RHOD: variants seen among roughly 807,000 people sequenced by gnomAD.
RHOD encodes the protein rho-related GTP-binding protein RhoD.
A neutral mutation model predicts 16.7 loss-of-function variants in RHOD; 11 were observed. That is an observed-to-expected ratio of 0.66 (90% confidence interval 0.41 to 1.09). RHOD has a LOEUF of 1.09. RHOD is among the 50% of genes least tolerant of loss of function. The pLI is 0.00. For missense variants in RHOD, 271 were observed against 291.7 expected, an observed-to-expected ratio of 0.93 and a Z score of 0.52; for synonymous variants, 124 against 126.3, an observed-to-expected ratio of 0.98 and a Z score of 0.12.
At chr11:67,062,740 G>A (rs559296984) in intron 1 of RHOD, among the ~76,000 whole-genome samples, 23 of 152,268 alleles carry the variant, frequency 1.5e-4, no homozygotes, top group African/African-American at 4.8e-4. Flanking sequence ...CCTGAGTCAC[G>A]GGCAGGTGTG....
At chr11:67,069,767 C>T (rs573551078) in intron 3 of RHOD, among the ~76,000 whole-genome samples, 2 of 148,468 alleles carry the variant, frequency 1.3e-5, no homozygotes, top group Non-Finnish European at 3.0e-5. Context: ...ATCTCAGCTC[C>T]CTGCAACCTC....
chr11:67,066,340 G>C (rs1170140230), intron 2 of RHOD, among the ~76,000 whole-genome samples: 2 of 152,228 alleles, frequency 1.3e-5, no homozygotes, highest in African/African-American at 4.8e-5. Context: ...ACCAGGGTGA[G>C]CTCTAAGCTA....
Position 67,071,627 on chromosome 11 carries a change from C to A in RHOD, c.*25C>A, listed in dbSNP as rs376469303. ...AGCGGCTCGGGGCGTCCCAGCGACG[C>A]GGGAAGGGGCAGGGCGCTGACCTGC... On this transcript the variant is annotated 3_prime_UTR_variant, in exon 5 of 5. Transcript: ENST00000308831. 1 of 1,565,812 alleles carries A rather than the reference C, an allele frequency of 6.4e-7. No individual in the cohort carries two copies. Among genetic ancestry groups the A allele is most frequent in the Admixed American group, 1.8e-5 (1 of 54,754 alleles).
intron 1 of RHOD, among the ~76,000 whole-genome samples, chr11:67,060,957 G>T (rs933279331): frequency 6.6e-6 from 1 of 152,246 alleles, no homozygotes; most frequent in African/African-American, 2.4e-5. Context: ...TAGGACAAAG[G>T]TCAGAAGCTG....
intron 1 of RHOD, among the ~76,000 whole-genome samples, chr11:67,061,218 G>A (rs1261893125): frequency 6.6e-6 from 1 of 152,188 alleles, no homozygotes; most frequent in South Asian, 2.1e-4. Context: ...CCTCACTATT[G>A]GCCAGGCGTG....
At chr11:67,068,203 G>A (rs987215485) in intron 3 of RHOD, among the ~76,000 whole-genome samples, 4 of 152,194 alleles carry the variant, frequency 2.6e-5, no homozygotes, top group African/African-American at 7.2e-5. Flanking sequence ...GGAGGTGTCC[G>A]GCAGGCAGTG....
At chr11:67,063,289 G>A (rs979367860) in intron 1 of RHOD, among the ~76,000 whole-genome samples, 2 of 151,484 alleles carry the variant, frequency 1.3e-5, no homozygotes, top group Admixed American at 6.6e-5. Context: ...TCAGGAGTTC[G>A]AGACCAGCCT....
intron 3 of RHOD, among the ~76,000 whole-genome samples, chr11:67,069,817 C>T (rs754859579): frequency 5.3e-5 from 8 of 151,904 alleles, no homozygotes; most frequent in South Asian, 2.1e-4. Context: ...CTCAGCCTCC[C>T]GAGCAGCTGG....
chr11:67,058,601 G>A (rs1434018269), intron 1 of RHOD, among the ~76,000 whole-genome samples: 1 of 152,110 alleles, frequency 6.6e-6, no homozygotes. Context: ...CTGAGCCACC[G>A]CAACTGGCAT....
At chr11:67,071,065 T>G (rs2136250379) in intron 4 of RHOD, among the ~76,000 whole-genome samples, 1 of 152,012 alleles carries the variant, frequency 6.6e-6, no homozygotes, top group East Asian at 1.9e-4. Context: ...AGACCCTGTC[T>G]CTACCAAAAA....
chr11:67,068,197 G>C (rs1050363835), intron 3 of RHOD, among the ~76,000 whole-genome samples: 1 of 152,244 alleles, frequency 6.6e-6, no homozygotes, highest in African/African-American at 2.4e-5. Context: ...CCTAGTGGAG[G>C]TGTCCGGCAG....
In RHOD at chr11:67,070,451, C is replaced by T; in HGVS notation, c.357C>T (p.Cys119=). ...GGTACCCAGAAGTGAATCATTTCTGCAAGAAGGTACCCATCATCGTCGTGG... is the reference window on the plus strand; with the variant it reads ...GGTACCCAGAAGTGAATCATTTCTGTAAGAAGGTACCCATCATCGTCGTGG... ...NRWYPEVNHF[C]KKVPIIVVGC... is the part of the protein sequence containing the mutation. The change falls in exon 4 of 5, where the codon TGC becomes TGT. Residue 119 remains cysteine (C), a synonymous_variant. Coordinates refer to ENST00000308831, the MANE Select transcript of RHOD (RefSeq NM_014578.4). 6.2e-7 allele frequency: 1 copy of T among 1,613,930 alleles called. No homozygotes were observed. Among genetic ancestry groups the T allele is most frequent in the South Asian group, 1.1e-5 (1 of 91,064 alleles).
At chr11:67,062,045 T>C (rs1854898940) in intron 1 of RHOD, among the ~76,000 whole-genome samples, 1 of 151,968 alleles carries the variant, frequency 6.6e-6, no homozygotes, top group African/African-American at 2.4e-5. Flanking sequence ...CCTTCATGAT[T>C]CAATCACCTC....
chr11:67,057,067 C>G (rs1203183811), intron 1 of RHOD, 33 bp downstream of exon 1: 2 of 1,406,484 alleles, frequency 1.4e-6, no homozygotes, highest in Non-Finnish European at 1.8e-6. Flanking sequence ...TCGCCCGGTT[C>G]CGCTCGCGCG....
chr11:67,058,208 GCT>G (rs1854842506), intron 1 of RHOD, among the ~76,000 whole-genome samples: 1 of 151,708 alleles, frequency 6.6e-6, no homozygotes, highest in Non-Finnish European at 1.5e-5. Flanking sequence ...ACGGAGTCTC[GCT>G]CTGTCGCCAG....
intron 3 of RHOD, among the ~76,000 whole-genome samples, chr11:67,068,144 G>A (rs1475920151): frequency 6.6e-6 from 1 of 152,194 alleles, no homozygotes; most frequent in Non-Finnish European, 1.5e-5. Context: ...AGTTGCCCTT[G>A]GCCAAGATGA....
intron 1 of RHOD, among the ~76,000 whole-genome samples, chr11:67,063,268 A>T (rs1854913662): frequency 6.6e-6 from 1 of 152,008 alleles, no homozygotes; most frequent in South Asian, 2.1e-4. Context: ...AGGTGGGTGG[A>T]TTGCTTGAGT....
At chr11:67,065,673 T>C (rs904852095) in intron 1 of RHOD, among the ~76,000 whole-genome samples, 2 of 152,128 alleles carry the variant, frequency 1.3e-5, no homozygotes, top group Non-Finnish European at 2.9e-5. Context: ...GTAGGGACTT[T>C]TAATATTCCC....
chr11:67,057,899 G>A (rs1419977135), intron 1 of RHOD, among the ~76,000 whole-genome samples: 1 of 152,228 alleles, frequency 6.6e-6, no homozygotes, highest in Non-Finnish European at 1.5e-5. Context: ...GACTGCCCAG[G>A]CAGACTCCAC....
Sources: gnomAD v4.1 joint callset for allele counts (sites outside exome capture counted in the v4.1 genomes callset) on GRCh38, gnomAD v4.1.1 for gene constraint, MANE v1.5 for transcripts, NCBI Gene and HGNC (gene_info 2026-07-23, HGNC 2026-07-21) for gene names.